BNC2: variants seen among roughly 807,000 people sequenced by gnomAD.
BNC2 encodes basonuclin zinc finger protein 2.
BNC2 carries 20 observed loss-of-function variants against 76.3 expected under a neutral mutation model. The ratio of observed to expected loss-of-function variants is 0.26; its 90% CI spans 0.18 to 0.38. The LOEUF (loss-of-function observed/expected upper bound fraction) is 0.38, where lower values mean the gene tolerates loss of function less well. Ranked by LOEUF, BNC2 falls within the 10% of genes least tolerant of loss-of-function variation. The pLI is 1.00. For synonymous variants in BNC2, 582 were observed against 514.8 expected (o/e 1.13, Z -1.77); for missense variants, 1,382 against 1,399.8 (o/e 0.99, Z 0.20).
intron 1 of BNC2, among the ~76,000 whole-genome samples, chr9:16,765,054 A>G (rs1825654226): frequency 6.6e-6 from 1 of 152,220 alleles, no homozygotes; most frequent in Admixed American, 6.5e-5. Context: ...TTTAGGAAGA[A>G]GTAACAACTC....
rs566060374 is a variant in BNC2 at position 16,682,844 on chromosome 9, T to C, written c.330+44953A>G. Among the ~76,000 whole-genome samples, 13 of 152,328 alleles carry C rather than the reference T, an allele frequency of 8.5e-5. No homozygotes were observed. In the East Asian group the frequency reaches 2.5e-3, roughly 29 times the overall value. On this transcript the variant is annotated intron_variant, in intron 3 of 6. Transcript: ENST00000380672. Reference sequence around the variant, plus strand: ...CTAAATGTAACAACTTAATACATGATGAGGCACAACTGAACTAACAAAGTA... The same window carrying C: ...CTAAATGTAACAACTTAATACATGACGAGGCACAACTGAACTAACAAAGTA...
At position 16,437,499 on chromosome 9, in the gene BNC2, C is replaced by A. The variant is rs1191107098; in HGVS notation, c.695G>T (p.Arg232Leu). ...CTCTTCTCGAGACATGATGGCCCAG[C>A]GGTCCAGCACCTTGCCAGCAGCATC... ...LQDAAGKVLD[R>L]WAIMSREEEI... The change falls in exon 6 of 7, where the codon CGC becomes CTC. Residue 232 changes from arginine (R) to leucine (L), a missense_variant. Around this residue, in one of 3 missense-constraint regions of BNC2, gnomAD observed 557 missense variants for 540.9 expected, o/e 1.03. Transcript: ENST00000380672. The A allele has an allele frequency of 6.2e-7, 1 of 1,612,984 alleles. No individual in the cohort carries two copies. The highest frequency in any genetic ancestry group is 8.5e-7 in the Non-Finnish European group (1 of 1,179,966).
At chr9:16,587,499 T>C (rs1011380626) in intron 3 of BNC2, among the ~76,000 whole-genome samples, 1 of 152,220 alleles carries the variant, frequency 6.6e-6, no homozygotes, top group Non-Finnish European at 1.5e-5. Flanking sequence ...TCACGGTTAC[T>C]ACCATAATTC....
In BNC2 at chr9:16,785,291, A is replaced by G. The variant is rs62543887; in HGVS notation, c.4-46806T>C. Among the ~76,000 whole-genome samples the G allele has an allele frequency of 8.9e-3, 1,362 of 152,306 alleles. 11 individuals carry two copies. The highest frequency in any genetic ancestry group is 0.015 in the Non-Finnish European group (994 of 68,024). On this transcript the variant is annotated intron_variant, in intron 1 of 6. Transcript: ENST00000380672. Reference sequence around the variant, plus strand: ...ACCTCCTGTTTAATAGTGTGGATGAACAGTTGTTCTCCATTTCACAGATAT... The same window carrying G: ...ACCTCCTGTTTAATAGTGTGGATGAGCAGTTGTTCTCCATTTCACAGATAT...
At chr9:16,856,425 T>A (rs1196902137) in intron 1 of BNC2, among the ~76,000 whole-genome samples, 1 of 152,164 alleles carries the variant, frequency 6.6e-6, no homozygotes, top group Non-Finnish European at 1.5e-5. Flanking sequence ...AATAAATTCT[T>A]GAAGCGAAAA....
At chr9:16,720,527 T>A (rs1007634215) in intron 3 of BNC2, among the ~76,000 whole-genome samples, 1 of 152,128 alleles carries the variant, frequency 6.6e-6, no homozygotes, top group Admixed American at 6.5e-5. Context: ...TTCAAAAGCA[T>A]TGAGTAAATA....
chr9:16,442,746 G>C (rs923801436), intron 5 of BNC2, among the ~76,000 whole-genome samples: 2 of 152,160 alleles, frequency 1.3e-5, no homozygotes, highest in African/African-American at 4.8e-5. Flanking sequence ...TCCAAGAATG[G>C]AAGTGAGGAA....
rs58620248 is a variant in BNC2 at position 16,689,163 on chromosome 9, CAAAAAAAAAAAA to C, written c.330+38622_330+38633del. Among the ~76,000 whole-genome samples the C allele has an allele frequency of 2.0e-3, 100 of 50,502 alleles. 1 individual carries two copies. The highest frequency in any genetic ancestry group is 0.019 in the Middle Eastern group (2 of 106). 33.1% of individuals were successfully genotyped at this position (50,502 alleles called of 152,430 possible). A position where few individuals can be genotyped will look rare whatever the true frequency, so the allele number is the denominator to read the frequency against. On this transcript the variant is annotated intron_variant, in intron 3 of 6. Transcript: ENST00000380672. ...ACACACTCTTTGTTTACTGAGATCA[CAAAAAAAAAAAA>C]AAAAAAAAAAAATGTTAGGGACCAG...
At chr9:16,534,465 A>C (rs1818070832) in intron 5 of BNC2, among the ~76,000 whole-genome samples, 1 of 152,174 alleles carries the variant, frequency 6.6e-6, no homozygotes, top group Non-Finnish European at 1.5e-5. Flanking sequence ...CTCTAAACTG[A>C]CATAATATAA....
At chr9:16,550,960 G>C (rs905125996) in intron 5 of BNC2, among the ~76,000 whole-genome samples, 1 of 151,884 alleles carries the variant, frequency 6.6e-6, no homozygotes, top group South Asian at 2.1e-4. Flanking sequence ...TGCATCTTGG[G>C]GCCAGTATAA....
chr9:16,717,322 CTTTT>C (rs1285582335), intron 3 of BNC2, among the ~76,000 whole-genome samples: 1 of 151,914 alleles, frequency 6.6e-6, no homozygotes, highest in South Asian at 2.1e-4. Context: ...TACTTTCTTT[CTTTT>C]TTAAGTATAT....
intron 3 of BNC2, among the ~76,000 whole-genome samples, chr9:16,706,867 T>C (rs1015943702): frequency 4.6e-5 from 7 of 152,218 alleles, no homozygotes; most frequent in South Asian, 4.1e-4. Context: ...CCATTTCAAA[T>C]TGCAAATGCT....
intron 1 of BNC2, among the ~76,000 whole-genome samples, chr9:16,869,431 G>A (rs200717805): frequency 1.4e-5 from 2 of 147,994 alleles, no homozygotes; most frequent in Non-Finnish European, 3.0e-5. Context: ...GTGTGTGTGT[G>A]TACGCGCCCC....
chr9:16,544,718 G>A (rs1347059413), intron 5 of BNC2, among the ~76,000 whole-genome samples: 1 of 151,068 alleles, frequency 6.6e-6, no homozygotes, highest in African/African-American at 2.4e-5. Flanking sequence ...GCTGAGGCAG[G>A]AGAATCACCC....
intron 3 of BNC2, among the ~76,000 whole-genome samples, chr9:16,669,148 T>C (rs1197280032): frequency 6.6e-6 from 1 of 152,244 alleles, no homozygotes. Context: ...GGTTATAATG[T>C]AACTATAAGT....
chr9:16,488,363 C>T (rs1822208512), intron 5 of BNC2, among the ~76,000 whole-genome samples: 1 of 152,116 alleles, frequency 6.6e-6, no homozygotes, highest in African/African-American at 2.4e-5. Flanking sequence ...GTACTAACAG[C>T]TAAATAGGGT....
intron 1 of BNC2, among the ~76,000 whole-genome samples, chr9:16,795,547 T>C (rs920064107): frequency 6.6e-6 from 1 of 152,074 alleles, no homozygotes; most frequent in Non-Finnish European, 1.5e-5. Context: ...CCATGTCCTC[T>C]CCACACCCTC....
rs530785106 is a variant in BNC2, at chr9:16,630,585, T to A, written c.331-47500A>T. 4.1e-4 allele frequency among the ~76,000 whole-genome samples: 62 copies of A among 152,308 alleles called. 2 individuals carry two copies. The South Asian group carries it at 0.011, about 28-fold the overall frequency. On this transcript the variant is annotated intron_variant, in intron 3 of 6. Transcript: ENST00000380672. ...AATTCCATTTTCTAAACTTTATTTA[T>A]TTAGCATGTATAAACTACACATAGG...
At chr9:16,538,761 G>C (rs1037446728) in intron 5 of BNC2, among the ~76,000 whole-genome samples, 1 of 152,150 alleles carries the variant, frequency 6.6e-6, no homozygotes, top group African/African-American at 2.4e-5. Context: ...TTTAATTGCA[G>C]AGTTTGAATT....
Sources: allele counts gnomAD v4.1 joint callset (sites outside exome capture counted in the v4.1 genomes callset), GRCh38; gene constraint gnomAD v4.1.1; regional missense constraint gnomAD v4.1.1; transcripts MANE v1.5; gene names NCBI Gene and HGNC (gene_info 2026-07-23, HGNC 2026-07-21).